PRKCE: variants seen among roughly 807,000 people sequenced by gnomAD.
The protein encoded by PRKCE is protein kinase C epsilon.
A neutral mutation model predicts 85.4 loss-of-function variants in PRKCE; 16 were observed. That is an observed-to-expected ratio of 0.19 (90% CI 0.13 to 0.28). PRKCE has a LOEUF of 0.28. Among genes scored for constraint, PRKCE ranks in the 10% least tolerant of loss-of-function variants. The pLI is 1.00. For synonymous variants in PRKCE, 388 were observed against 371.5 expected (o/e 1.04, Z -0.51); for missense variants, 573 against 975.2 (o/e 0.59, Z 5.49).
chr2:46,113,629 G>A (rs1161880021), intron 11 of PRKCE, among the ~76,000 whole-genome samples: 1 of 152,176 alleles, frequency 6.6e-6, no homozygotes, highest in African/African-American at 2.4e-5. Context: ...TGACCTATGG[G>A]GAAAGATCTC....
At chr2:45,791,572 G>T (rs960966241) in intron 1 of PRKCE, among the ~76,000 whole-genome samples, 1 of 152,178 alleles carries the variant, frequency 6.6e-6, no homozygotes, top group African/African-American at 2.4e-5. Flanking sequence ...TTGAAGAATG[G>T]GGTCAATTGA....
chr2:46,029,093 T>A (rs1707333168), intron 10 of PRKCE, among the ~76,000 whole-genome samples: 1 of 152,196 alleles, frequency 6.6e-6, no homozygotes, highest in Non-Finnish European at 1.5e-5. Context: ...CACGTCTTTG[T>A]TATTGTGAAC....
At chr2:45,959,291 T>G (rs1701222775) in intron 2 of PRKCE, among the ~76,000 whole-genome samples, 1 of 152,108 alleles carries the variant, frequency 6.6e-6, no homozygotes, top group Admixed American at 6.5e-5. Context: ...AGTAACGCCT[T>G]TTTGAACACT....
At chr2:45,718,845 T>A (rs901734625) in intron 1 of PRKCE, among the ~76,000 whole-genome samples, 1 of 152,234 alleles carries the variant, frequency 6.6e-6, no homozygotes, top group Non-Finnish European at 1.5e-5. Context: ...CAAGGAACAC[T>A]AGTTTTGGAG....
intron 12 of PRKCE, among the ~76,000 whole-genome samples, chr2:46,148,824 A>C (rs559777716): frequency 2.6e-5 from 4 of 152,182 alleles, no homozygotes; most frequent in Non-Finnish European, 5.9e-5. Flanking sequence ...CAGGGGTCTT[A>C]AGTTGGGCGC....
At chr2:46,011,632 G>T (rs1171020171) in intron 10 of PRKCE, among the ~76,000 whole-genome samples, 1 of 152,190 alleles carries the variant, frequency 6.6e-6, no homozygotes, top group African/African-American at 2.4e-5. Flanking sequence ...TGGAGTCACT[G>T]CAAACGTAAC....
intron 2 of PRKCE, among the ~76,000 whole-genome samples, chr2:45,934,473 ACCCCATCT>A (rs1439529564): frequency 2.0e-5 from 3 of 151,986 alleles, no homozygotes; most frequent in Non-Finnish European, 4.4e-5. Flanking sequence ...ACATAGTAAA[ACCCCATCT>A]CTACTAAAAA....
At chr2:46,152,827 G>A (rs563614350) in intron 13 of PRKCE, among the ~76,000 whole-genome samples, 1 of 152,316 alleles carries the variant, frequency 6.6e-6, no homozygotes, top group East Asian at 1.9e-4. Flanking sequence ...GATTACAGGT[G>A]TGAGCCACTA....
chr2:46,045,487 C>T (rs1708466293), intron 10 of PRKCE, among the ~76,000 whole-genome samples: 1 of 152,244 alleles, frequency 6.6e-6, no homozygotes, highest in African/African-American at 2.4e-5. Context: ...AGTAATATTG[C>T]AGGAGCTTCT....
chr2:45,723,037 G>A (rs905382302), intron 1 of PRKCE, among the ~76,000 whole-genome samples: 1 of 152,204 alleles, frequency 6.6e-6, no homozygotes, highest in African/African-American at 2.4e-5. Flanking sequence ...GGAGGCAGAC[G>A]TTGCAGTGAG....
chr2:45,788,522 G>A (rs1686790014), intron 1 of PRKCE, among the ~76,000 whole-genome samples: 1 of 152,114 alleles, frequency 6.6e-6, no homozygotes, highest in Admixed American at 6.5e-5. Flanking sequence ...TTGCAATCAG[G>A]GGGCCTGCTT....
chr2:46,027,976 C>G (rs1384387478), intron 10 of PRKCE, among the ~76,000 whole-genome samples: 3 of 151,234 alleles, frequency 2.0e-5, no homozygotes, highest in African/African-American at 7.3e-5. Context: ...GAGTCGGGCT[C>G]TGTGGCCCAG....
chr2:46,007,375 TACAGGGGAAAGTCTGA>T, intron 8 of PRKCE, 71 bp from the exon 9 acceptor site: 1 of 1,344,990 alleles, frequency 7.4e-7, no homozygotes, highest in Non-Finnish European at 1.0e-6. Context: ...ACTGAGAGCT[TACAGGGGAAAGTCTGA>T]GTGTTGAGTC....
At chr2:45,950,847 A>G (rs1234661889) in intron 2 of PRKCE, among the ~76,000 whole-genome samples, 2 of 152,162 alleles carry the variant, frequency 1.3e-5, no homozygotes, top group Admixed American at 1.3e-4. Flanking sequence ...GTGTTCCTAG[A>G]GGACCAACTT....
intron 10 of PRKCE, among the ~76,000 whole-genome samples, chr2:46,070,965 C>A (rs1668038795): frequency 6.6e-6 from 1 of 152,194 alleles, no homozygotes; most frequent in Admixed American, 6.5e-5. Context: ...TATGTCCTCT[C>A]ATTTGCCTTA....
intron 1 of PRKCE, among the ~76,000 whole-genome samples, chr2:45,750,213 T>G (rs1683443923): frequency 6.6e-6 from 1 of 152,234 alleles, no homozygotes; most frequent in Non-Finnish European, 1.5e-5. Context: ...CAACCATCAC[T>G]ACTATCTATT....
At position 45,786,720 on chromosome 2, in the gene PRKCE, G is replaced by C. The variant is rs1686627003; in HGVS notation, c.349-56280G>C. Among the ~76,000 whole-genome samples, 1 of 152,160 alleles carries C rather than the reference G, an allele frequency of 6.6e-6. No homozygotes were observed. Among genetic ancestry groups the C allele is most frequent in the African/African-American group, 2.4e-5 (1 of 41,424 alleles). Reference sequence around the variant, plus strand: ...AAACCTTACTGGGGGTTCACCCTGTGCCAAGCAGGCTCTGAGTGCTGTGTA... The same window carrying C: ...AAACCTTACTGGGGGTTCACCCTGTCCCAAGCAGGCTCTGAGTGCTGTGTA... On this transcript the variant is annotated intron_variant, in intron 1 of 14. Coordinates refer to ENST00000306156, the MANE Select transcript of PRKCE (RefSeq NM_005400.3). This position sits in a 1 kb window ranked among gnomAD's most constrained non-coding sequence, Gnocchi z 5.3.
At chr2:46,091,534 T>C (rs1670169680) in intron 11 of PRKCE, among the ~76,000 whole-genome samples, 1 of 152,182 alleles carries the variant, frequency 6.6e-6, no homozygotes, top group African/African-American at 2.4e-5. Context: ...TATTCTTTTG[T>C]AATCCAGAAG....
intron 11 of PRKCE, among the ~76,000 whole-genome samples, chr2:46,132,608 C>T (rs749570801): frequency 1.3e-5 from 2 of 152,204 alleles, no homozygotes; most frequent in African/African-American, 2.4e-5. Context: ...TGAGCCTGTG[C>T]AGCCTCGTTG....
Sources: gnomAD v4.1 joint callset for allele counts (sites outside exome capture counted in the v4.1 genomes callset) on GRCh38, gnomAD v4.1.1 for gene constraint, Gnocchi (gnomAD v3.1) non-coding constraint, MANE v1.5 for transcripts, NCBI Gene and HGNC (gene_info 2026-07-23, HGNC 2026-07-21) for gene names.